The following RAB10 variants were observed in gnomAD, a reference collection of about 807,000 sequenced individuals.
RAB10 encodes the protein RAB10, member RAS oncogene family, also known as ras-related protein Rab-10.
In RAB10, 5 loss-of-function variants were observed where a neutral mutation model predicts 25.7. The ratio of observed to expected loss-of-function variants is 0.19; its 90% CI spans 0.10 to 0.41. The LOEUF is 0.41. RAB10 is among the 10% of genes least tolerant of loss of function. The pLI is 1.00. For missense variants in RAB10, 103 were observed against 245.8 expected (o/e 0.42, Z 3.89); for synonymous variants, 89 against 86.4 (o/e 1.03, Z -0.16).
chr2:26,045,699 T>C (rs1411155670), intron 1 of RAB10, among the ~76,000 whole-genome samples: 1 of 152,190 alleles, frequency 6.6e-6, no homozygotes. Context: ...GAAAACTGTT[T>C]ATTGAGATGG....
intron 1 of RAB10, among the ~76,000 whole-genome samples, chr2:26,058,561 C>T (rs780175953): frequency 6.6e-6 from 1 of 152,100 alleles, no homozygotes; most frequent in Admixed American, 6.6e-5. Context: ...CCGTACTGTG[C>T]CCCGGCTAAA....
chr2:26,053,611 G>A (rs13384150), intron 1 of RAB10, among the ~76,000 whole-genome samples: 12 of 152,166 alleles, frequency 7.9e-5, no homozygotes, highest in South Asian at 6.2e-4. Context: ...GTAAATATTC[G>A]TGCTTACAAA....
At chr2:26,047,990 C>CTTG (rs1352124991) in intron 1 of RAB10, among the ~76,000 whole-genome samples, 1 of 151,720 alleles carries the variant, frequency 6.6e-6, no homozygotes, top group African/African-American at 2.4e-5. Flanking sequence ...CCTTGGCCTC[C>CTTG]CAAAGTGTTG....
At chr2:26,044,552 T>G (rs1312143080) in intron 1 of RAB10, among the ~76,000 whole-genome samples, 1 of 152,094 alleles carries the variant, frequency 6.6e-6, no homozygotes, top group African/African-American at 2.4e-5. Context: ...AATTAGTTTT[T>G]TTTTTTTTTT....
intron 2 of RAB10, 62 bp downstream of exon 2, chr2:26,098,784 A>G (rs1204030430): frequency 7.3e-6 from 10 of 1,375,022 alleles, no homozygotes; most frequent in Non-Finnish European, 9.0e-6. Flanking sequence ...TTCACAGTGA[A>G]ATTCTTTTTT....
Position 26,135,128 on chromosome 2 carries a change from C to T in RAB10, c.*107C>T. ...ACTCTAAACAGATATTTTTGTTTCT[C>T]ATCTTAACTATCCAAGCCACCTATT... On this transcript the variant is annotated 3_prime_UTR_variant, in exon 6 of 6. Transcript: ENST00000264710. 1.3e-6 allele frequency: 1 copy of T among 797,744 alleles called. No individual in the cohort carries two copies. Among genetic ancestry groups the T allele is most frequent in the Non-Finnish European group, 1.9e-6 (1 of 527,686 alleles). 49.4% of individuals were successfully genotyped at this position (797,744 alleles called of 1,614,324 possible).
rs188100135 is a variant in RAB10, at chr2:26,035,133, A to G, written c.127+398A>G. On this transcript the variant is annotated intron_variant, in intron 1 of 5. Coordinates refer to ENST00000264710, the MANE Select transcript of RAB10 (RefSeq NM_016131.5). ...AGCTATTTGGGAAAGGCCTGAATTTATACTTTGGGGCAAAGAAAAGATTCC... is the reference window on the plus strand; with the variant it reads ...AGCTATTTGGGAAAGGCCTGAATTTGTACTTTGGGGCAAAGAAAAGATTCC... Among the ~76,000 whole-genome samples, 635 of 152,326 alleles carry G rather than the reference A, an allele frequency of 4.2e-3. 4 individuals carry two copies. The highest frequency in any genetic ancestry group is 0.014 in the African/African-American group (593 of 41,584).
chr2:26,050,141 A>G (rs1666101515), intron 1 of RAB10, among the ~76,000 whole-genome samples: 1 of 152,156 alleles, frequency 6.6e-6, no homozygotes, highest in African/African-American at 2.4e-5. Flanking sequence ...ATATCATCCT[A>G]TCGTAGCTTT....
At chr2:26,132,441 A>G (rs2149291033) in intron 5 of RAB10, among the ~76,000 whole-genome samples, 1 of 152,208 alleles carries the variant, frequency 6.6e-6, no homozygotes, top group African/African-American at 2.4e-5. Flanking sequence ...TTTACTAGAG[A>G]CAGGGTTTCA....
intron 3 of RAB10, 93 bp downstream of exon 3, chr2:26,109,999 A>G: frequency 7.7e-7 from 1 of 1,301,820 alleles, no homozygotes; most frequent in Non-Finnish European, 1.0e-6. Context: ...TCAGGATATA[A>G]TGTACTGTTG....
At chr2:26,116,158 C>T (rs142418797) in intron 3 of RAB10, among the ~76,000 whole-genome samples, 1,792 of 152,128 alleles carry the variant, frequency 0.012, 17 homozygotes, top group Middle Eastern at 0.024. Context: ...TGAGCCACTG[C>T]GCCCCACCAG....
Position 26,098,336 on chromosome 2 carries a change from A to C in RAB10, c.128-326A>C, listed in dbSNP as rs146225759. Among the ~76,000 whole-genome samples the C allele has an allele frequency of 2.6e-5, 4 of 151,962 alleles. No homozygotes were observed. In the South Asian group the frequency reaches 8.3e-4, roughly 32 times the overall value. Reference sequence around the variant, plus strand: ...GTATTTTTAGTAGAAACAGGGTTTCACCATGTGCCCAGGCTGGTCTCGAAC... The same window carrying C: ...GTATTTTTAGTAGAAACAGGGTTTCCCCATGTGCCCAGGCTGGTCTCGAAC... On this transcript the variant is annotated intron_variant, in intron 1 of 5. Coordinates refer to ENST00000264710, the MANE Select transcript of RAB10 (RefSeq NM_016131.5).
At chr2:26,033,442 T>A (rs1665675370), upstream of RAB10, among the ~76,000 whole-genome samples, 1 of 152,222 alleles carries the variant, frequency 6.6e-6, no homozygotes, top group Non-Finnish European at 1.5e-5. Context: ...CCGAGCGGCG[T>A]GGCCAGCTTT....
At chr2:26,092,929 G>A (rs754159493) in intron 1 of RAB10, among the ~76,000 whole-genome samples, 1 of 152,028 alleles carries the variant, frequency 6.6e-6, no homozygotes, top group Non-Finnish European at 1.5e-5. Context: ...TCTTTTGATT[G>A]TGTATGAGAA....
intron 1 of RAB10, among the ~76,000 whole-genome samples, chr2:26,067,681 CCACTAGTCATCTTGTTAGATTTAAT>C (rs1403579986): frequency 1.3e-5 from 2 of 152,218 alleles, no homozygotes; most frequent in African/African-American, 4.8e-5. Context: ...AGGCAGACTA[CCACTAGTCATCTTGTTAGATTTAAT>C]CATGTGTTAA....
chr2:26,098,109 C>CT lies in RAB10; in HGVS notation c.128-525dup, dbSNP rs57174956. ...CTTCTTTTTCTTTCTTTCTTTCTTT[C>CT]TTTTTTTTTTTTTTTTTTTTTTTTT... On this transcript the variant is annotated intron_variant, in intron 1 of 5. Coordinates refer to ENST00000264710, the MANE Select transcript of RAB10 (RefSeq NM_016131.5). 2.6e-3 allele frequency among the ~76,000 whole-genome samples: 139 copies of CT among 52,714 alleles called. 4 individuals are homozygous for CT. The highest frequency in any genetic ancestry group is 7.7e-3 in the African/African-American group (100 of 12,918). The allele number at this position is 52,714 out of a possible 152,430, so 34.6% of individuals were successfully genotyped here.
intron 1 of RAB10, among the ~76,000 whole-genome samples, chr2:26,048,033 A>G (rs1192587622): frequency 1.4e-5 from 2 of 146,022 alleles, no homozygotes; most frequent in East Asian, 2.0e-4. Context: ...TGCCGGGCCC[A>G]TTAGTTTTTT....
At chr2:26,114,530 G>T (rs990229430) in intron 3 of RAB10, among the ~76,000 whole-genome samples, 5 of 152,062 alleles carry the variant, frequency 3.3e-5, no homozygotes, top group Non-Finnish European at 7.4e-5. Flanking sequence ...GGGAAAACTG[G>T]CTATCCTTGT....
At chr2:26,065,072 T>A (rs2149268532) in intron 1 of RAB10, among the ~76,000 whole-genome samples, 1 of 152,104 alleles carries the variant, frequency 6.6e-6, no homozygotes, top group Non-Finnish European at 1.5e-5. Flanking sequence ...TTTAAAAGAG[T>A]GTTTCAGTTT....
Sources: allele counts gnomAD v4.1 joint callset (sites outside exome capture counted in the v4.1 genomes callset), GRCh38; gene constraint gnomAD v4.1.1; transcripts MANE v1.5; gene names NCBI Gene and HGNC (gene_info 2026-07-23, HGNC 2026-07-21).